Variants in SMYD3 observed in about 807,000 individuals in gnomAD.
SMYD3 encodes histone-lysine N-methyltransferase SMYD3.
A neutral mutation model predicts 57.7 loss-of-function variants in SMYD3; 36 were observed. That is an observed-to-expected ratio of 0.62 (90% CI 0.48 to 0.82). SMYD3 has a LOEUF of 0.82. Among genes scored for constraint, SMYD3 ranks in the 40% least tolerant of loss-of-function variants. The pLI, the probability that SMYD3 is intolerant of heterozygous loss-of-function variation, is 0.00. For synonymous variants in SMYD3, 211 were observed against 195.0 expected (o/e 1.08, Z -0.68); for missense variants, 515 against 538.8 (o/e 0.96, Z 0.44).
intron 1 of SMYD3, among the ~76,000 whole-genome samples, chr1:246,382,434 C>T (rs533574224): frequency 3.9e-5 from 6 of 152,158 alleles, no homozygotes; most frequent in Non-Finnish European, 7.4e-5. Context: ...GACTCAGAGT[C>T]CAGGCCTGCC....
intron 5 of SMYD3, among the ~76,000 whole-genome samples, chr1:246,263,024 C>T (rs550795044): frequency 9.9e-5 from 15 of 152,048 alleles, no homozygotes; most frequent in Admixed American, 2.0e-4. Flanking sequence ...CTCAAGAATG[C>T]GTGATTTGAA....
intron 11 of SMYD3, 102 bp downstream of exon 11, chr1:245,763,939 C>T (rs982816588): frequency 2.6e-5 from 22 of 834,834 alleles, no homozygotes; most frequent in Admixed American, 3.8e-5. Context: ...CGTGTGTATG[C>T]GTGCACACAT....
rs190561460 is a variant in SMYD3, at chr1:245,924,953, G to A, written c.702+2978C>T. 2.8e-4 allele frequency among the ~76,000 whole-genome samples: 42 copies of A among 151,064 alleles called. No individual in the cohort carries two copies. In the South Asian group the frequency reaches 3.1e-3, roughly 11 times the overall value. ...TGCTGAGATTACAGGCATGAGCCAC[G>A]GTGCCCAGCCCTATTCCAGCTCTTA... is the stretch of plus-strand genomic sequence containing the variant. On this transcript the variant is annotated intron_variant, in intron 7 of 11. Transcript: ENST00000490107.
intron 10 of SMYD3, 25 bp from the exon 11 acceptor site, chr1:245,764,174 G>T: frequency 6.6e-7 from 1 of 1,510,372 alleles, no homozygotes; most frequent in Non-Finnish European, 9.2e-7. Flanking sequence ...ACGGCAAACA[G>T]TGTCAGCAGC....
intron 5 of SMYD3, among the ~76,000 whole-genome samples, chr1:246,056,463 C>T (rs879662392): frequency 6.6e-6 from 1 of 152,044 alleles, no homozygotes; most frequent in African/African-American, 2.4e-5. Context: ...GGTATGAAGT[C>T]GTTTATCCAG....
In SMYD3 at chr1:246,172,849, T is replaced by C. The variant is rs1315969606; in HGVS notation, c.531+154352A>G. ...ACTCACTGTACTCTACTGTAGACTT[T>C]ATCAACACTACACACTTAGGCTACA... On this transcript the variant is annotated intron_variant, in intron 5 of 11. Transcript: ENST00000490107. Among the ~76,000 whole-genome samples, 5 of 148,810 alleles carry C rather than the reference T, an allele frequency of 3.4e-5. No homozygotes were observed. In the East Asian group the frequency reaches 6.1e-4, roughly 18 times the overall value.
chr1:245,769,231 C>T (rs975412315), intron 10 of SMYD3, among the ~76,000 whole-genome samples: 8 of 152,124 alleles, frequency 5.3e-5, no homozygotes, highest in Admixed American at 3.3e-4. Flanking sequence ...AACTTGTCAC[C>T]ATCTAAATCC....
chr1:246,238,340 C>T (rs768228903), intron 5 of SMYD3, among the ~76,000 whole-genome samples: 5 of 152,112 alleles, frequency 3.3e-5, no homozygotes, highest in Admixed American at 6.6e-5. Context: ...CAGGTTTCAA[C>T]GATGCATTCC....
chr1:246,385,952 G>A (rs1008082633), intron 1 of SMYD3, among the ~76,000 whole-genome samples: 3 of 151,706 alleles, frequency 2.0e-5, no homozygotes, highest in African/African-American at 4.8e-5. Context: ...GCAGTGGCAC[G>A]ATCTCGGCTC....
At chr1:245,887,694 C>T (rs1005625978) in intron 8 of SMYD3, among the ~76,000 whole-genome samples, 1 of 152,150 alleles carries the variant, frequency 6.6e-6, no homozygotes, top group Non-Finnish European at 1.5e-5. Flanking sequence ...ATACTTCAAA[C>T]AGGCTTCCAG....
intron 5 of SMYD3, chr1:245,930,434 T>C: frequency 3.0e-6 from 1 of 330,874 alleles, no homozygotes. Flanking sequence ...CTGATGCGTG[T>C]TGGTGAAGAC....
chr1:246,328,430 G>A (rs1014998696), intron 4 of SMYD3, among the ~76,000 whole-genome samples: 2 of 152,198 alleles, frequency 1.3e-5, no homozygotes, highest in Non-Finnish European at 2.9e-5. Flanking sequence ...TAGGGCTAAT[G>A]TGAAGAGTAA....
intron 5 of SMYD3, among the ~76,000 whole-genome samples, chr1:246,272,080 T>A (rs892433216): frequency 2.6e-5 from 4 of 152,252 alleles, no homozygotes; most frequent in Non-Finnish European, 4.4e-5. Context: ...TTTCAGATTG[T>A]TCACTGTTTG....
chr1:245,828,319 T>C (rs1247692952), intron 10 of SMYD3, among the ~76,000 whole-genome samples: 1 of 152,212 alleles, frequency 6.6e-6, no homozygotes, highest in Non-Finnish European at 1.5e-5. Context: ...ATCTGGTTCT[T>C]CAGTACCTTG....
chr1:246,152,398 C>G (rs906500081), intron 5 of SMYD3, among the ~76,000 whole-genome samples: 2 of 152,182 alleles, frequency 1.3e-5, no homozygotes, highest in Non-Finnish European at 2.9e-5. Context: ...CATGGAAGTA[C>G]CATGTTGTTG....
intron 5 of SMYD3, among the ~76,000 whole-genome samples, chr1:246,281,854 T>C (rs1056653537): frequency 6.6e-6 from 1 of 152,090 alleles, no homozygotes; most frequent in Non-Finnish European, 1.5e-5. Context: ...GCTATGTCAA[T>C]ACAGCTCATA....
At chr1:246,195,722 C>G (rs951077527) in intron 5 of SMYD3, among the ~76,000 whole-genome samples, 13 of 152,206 alleles carry the variant, frequency 8.5e-5, no homozygotes, top group African/African-American at 2.9e-4. Context: ...ATGCCTCTCA[C>G]TAAGTCATGA....
At chr1:246,379,366 C>T (rs527566586) in intron 1 of SMYD3, among the ~76,000 whole-genome samples, 2 of 152,166 alleles carry the variant, frequency 1.3e-5, no homozygotes, top group East Asian at 1.9e-4. Context: ...AAATTGCAAA[C>T]TTTCAAAAGC....
At chr1:246,475,157 A>C (rs2103052956) in intron 1 of SMYD3, among the ~76,000 whole-genome samples, 1 of 151,396 alleles carries the variant, frequency 6.6e-6, no homozygotes, top group Middle Eastern at 3.4e-3. Flanking sequence ...TCCCTATCAA[A>C]CCCCTGTCGA....
Sources: allele counts gnomAD v4.1 joint callset (sites outside exome capture counted in the v4.1 genomes callset), GRCh38; gene constraint gnomAD v4.1.1; transcripts MANE v1.5; gene names NCBI Gene and HGNC (gene_info 2026-07-23, HGNC 2026-07-21).